The following ZNF334 variants were observed in gnomAD, a reference collection of about 807,000 sequenced individuals.
The protein encoded by ZNF334 is zinc finger protein 334.
Under a neutral mutation model 12.4 loss-of-function variants are expected in ZNF334, and 14 were observed. The ratio of observed to expected loss-of-function variants is 1.13; its 90% confidence interval spans 0.74 to 1.76. The LOEUF is 1.76. ZNF334 is among the 40% of genes most tolerant of loss of function. The probability of loss-of-function intolerance (pLI) is 0.00; values close to 1 mark genes in which losing one functional copy is unlikely to be tolerated. For synonymous variants in ZNF334, 273 were observed against 269.6 expected, an observed-to-expected ratio of 1.01 and a Z score of -0.12; for missense variants, 797 against 804.5, an observed-to-expected ratio of 0.99 and a Z score of 0.11.
the ZNF334 span, among the ~76,000 whole-genome samples, chr20:46,470,041 ATAG>A: frequency 1.3e-5 from 2 of 152,204 alleles, no homozygotes; most frequent in Non-Finnish European, 2.9e-5. Flanking sequence ...TGTATTTAAA[ATAG>A]TAGAGCTCCC....
the ZNF334 span, among the ~76,000 whole-genome samples, chr20:46,486,185 ATTT>A: frequency 6.6e-6 from 1 of 152,174 alleles, no homozygotes; most frequent in Non-Finnish European, 1.5e-5. Flanking sequence ...TTCCATCGTT[ATTT>A]TGTATAACCT....
chr20:46,507,416 G>A lies in ZNF334; in HGVS notation c.22-2676C>T, dbSNP rs552093402. Among the ~76,000 whole-genome samples the A allele has an allele frequency of 6.6e-5, 10 of 152,164 alleles. No homozygotes were observed. In the South Asian group the frequency reaches 1.9e-3, roughly 29 times the overall value. On this transcript the variant is annotated intron_variant, in intron 2 of 4. Transcript: ENST00000692313. ...ACCTGGGTTCCTAGGTTGGATCCTT[G>A]AACTGAAAAAGGATATTATGGAAAA...
intron 2 of ZNF334, among the ~76,000 whole-genome samples, chr20:46,507,856 A>T (rs1465616979): frequency 1.3e-5 from 2 of 152,246 alleles, no homozygotes; most frequent in Non-Finnish European, 2.9e-5. Context: ...ACTTCCTCTG[A>T]AGGACCTATA....
chr20:46,504,512 T>A lies in ZNF334; in HGVS notation c.148+102A>T. 6.4e-6 allele frequency: 9 copies of A among 1,401,016 alleles called. 1 individual carries two copies. In the South Asian group the frequency reaches 1.3e-4, roughly 20 times the overall value. 86.8% of individuals were successfully genotyped at this position (1,401,016 alleles called of 1,614,324 possible). ...GTCTAAAAGGGTTTAATCTTCTTGC[T>A]CCCCTGATGCTCAGGGCTAAATAAA... On this transcript the variant is annotated intron_variant, in intron 3 of 4. Coordinates refer to ENST00000692313, the MANE Select transcript of ZNF334 (RefSeq NM_001353824.2).
the ZNF334 span, among the ~76,000 whole-genome samples, chr20:46,471,071 C>T: frequency 6.6e-6 from 1 of 152,136 alleles, no homozygotes; most frequent in African/African-American, 2.4e-5. Flanking sequence ...CACTCTTCAC[C>T]AACAATGTGT....
Position 46,504,306 on chromosome 20 carries a change from CCT to C in ZNF334, c.149-2_149-1del. On this transcript the variant is annotated splice_acceptor_variant, in intron 3 of 4. Transcript: ENST00000692313. LOFTEE classifies it high-confidence loss of function. ...CACATCTGGTTTGCTAACATGATAC[CCT>C]GTTAATGGGAAATTACAGAACTTGG... is the stretch of plus-strand genomic sequence containing the variant. The C allele has an allele frequency of 6.2e-7, 1 of 1,612,696 alleles. No individual in the cohort carries two copies. Among genetic ancestry groups the C allele is most frequent in the Non-Finnish European group, 8.5e-7 (1 of 1,179,080 alleles).
At chr20:46,494,808 C>A (rs560634657), downstream of ZNF334, among the ~76,000 whole-genome samples, 324 of 152,298 alleles carry the variant, frequency 2.1e-3, 1 homozygote, top group South Asian at 0.017. Context: ...ACAACTTGTT[C>A]TGAAAAGCCT....
chr20:46,464,456 T>C, the ZNF334 span: 1 of 519,708 alleles, frequency 1.9e-6, no homozygotes, highest in Non-Finnish European at 3.9e-6. Flanking sequence ...GCTGGCTTTC[T>C]CACAGACCAC....
chr20:46,495,217 T>A (rs1378242072), downstream of ZNF334, among the ~76,000 whole-genome samples: 1 of 152,068 alleles, frequency 6.6e-6, no homozygotes, highest in Non-Finnish European at 1.5e-5. Flanking sequence ...TGAGGAGATA[T>A]AAATCTAACA....
At chr20:46,490,070 G>T in the ZNF334 span, among the ~76,000 whole-genome samples, 1 of 152,138 alleles carries the variant, frequency 6.6e-6, no homozygotes, top group Non-Finnish European at 1.5e-5. Flanking sequence ...TTATATAAAG[G>T]TAAGTTTGAT....
chr20:46,503,055 T>C lies in ZNF334; in HGVS notation c.284A>G (p.Lys95Arg). The change falls in exon 5 of 5, where the codon AAA becomes AGA. Residue 95 changes from lysine to arginine, a missense_variant. By Grantham distance (26) the Lys-to-Arg change is conservative. Coordinates refer to ENST00000692313, the MANE Select transcript of ZNF334 (RefSeq NM_001353824.2). ...GAAGAATACAGTTTGTGTCAAATGTTTATCTTGGATTTCCTTGTTCTTCTC... is the reference window on the plus strand; with the variant it reads ...GAAGAATACAGTTTGTGTCAAATGTCTATCTTGGATTTCCTTGTTCTTCTC... The part of the protein sequence containing the change: ...ALEKNKEIQD[K>R]HLTQTVFFSN... 1 of 1,609,570 alleles carries C rather than the reference T, an allele frequency of 6.2e-7. No individual in the cohort carries two copies. Among genetic ancestry groups the C allele is most frequent in the Non-Finnish European group, 8.5e-7 (1 of 1,178,116 alleles).
intron 2 of ZNF334, among the ~76,000 whole-genome samples, chr20:46,507,190 A>G (rs529258800): frequency 2.0e-5 from 3 of 152,002 alleles, no homozygotes; most frequent in Non-Finnish European, 4.4e-5. Flanking sequence ...AAAAGAAAGG[A>G]GAAATGAAGG....
Position 46,500,501 on chromosome 20 carries a change from G to A in ZNF334, c.*795C>T, listed in dbSNP as rs1380493880. ...AAACCACTGGTAGATGGGGTTGAGT[G>A]GATATTACAGAATACTAAAACCAGA... On this transcript the variant is annotated 3_prime_UTR_variant, in exon 5 of 5. Transcript: ENST00000692313. The A allele has an allele frequency of 6.6e-6, 1 of 152,164 alleles. No individual in the cohort carries two copies. The highest frequency in any genetic ancestry group is 1.5e-5 in the Non-Finnish European group (1 of 68,016). 9.4% of individuals were successfully genotyped at this position (152,164 alleles called of 1,614,324 possible). A position where few individuals can be genotyped will look rare whatever the true frequency, so the allele number is the denominator to read the frequency against.
At chr20:46,477,964 A>G in the ZNF334 span, among the ~76,000 whole-genome samples, 1 of 152,220 alleles carries the variant, frequency 6.6e-6, no homozygotes, top group Non-Finnish European at 1.5e-5. Flanking sequence ...GTCATTTCAC[A>G]TCTTCATGTT....
downstream of ZNF334, among the ~76,000 whole-genome samples, chr20:46,495,466 A>G (rs1049559849): frequency 2.0e-5 from 3 of 152,030 alleles, no homozygotes; most frequent in Admixed American, 6.6e-5. Flanking sequence ...ATCTCTGAAG[A>G]TAACTTCCAT....
At chr20:46,490,256 T>C in the ZNF334 span, among the ~76,000 whole-genome samples, 1 of 152,200 alleles carries the variant, frequency 6.6e-6, no homozygotes, top group South Asian at 2.1e-4. Flanking sequence ...TTAATGTTCT[T>C]AGCAACAACA....
In ZNF334 at chr20:46,500,855, A is replaced by G. The variant is rs973603966; in HGVS notation, c.*441T>C. Reference sequence around the variant, plus strand: ...CTATGGAGTTAGCAGACAACAAAAAATCTGCCAAATCTGAAAATACACCAT... The same window carrying G: ...CTATGGAGTTAGCAGACAACAAAAAGTCTGCCAAATCTGAAAATACACCAT... On this transcript the variant is annotated 3_prime_UTR_variant, in exon 5 of 5. Coordinates refer to ENST00000692313, the MANE Select transcript of ZNF334 (RefSeq NM_001353824.2). The G allele has an allele frequency of 5.5e-6, 1 of 182,648 alleles. No homozygotes were observed. 11.3% of individuals were successfully genotyped at this position (182,648 alleles called of 1,614,324 possible).
chr20:46,494,180 T>TAGA, the ZNF334 span, among the ~76,000 whole-genome samples: 1 of 152,252 alleles, frequency 6.6e-6, no homozygotes, highest in Admixed American at 6.5e-5. Flanking sequence ...CATTTGAGCC[T>TAGA]TGTATAGAAG....
At chr20:46,481,750 A>G in the ZNF334 span, among the ~76,000 whole-genome samples, 1 of 152,192 alleles carries the variant, frequency 6.6e-6, no homozygotes, top group Non-Finnish European at 1.5e-5. Context: ...AACACATCAA[A>G]CTATGCTAAT....
Sources: gnomAD v4.1 joint callset for allele counts (sites outside exome capture counted in the v4.1 genomes callset) on GRCh38, gnomAD v4.1.1 for gene constraint, MANE v1.5 for transcripts, NCBI Gene and HGNC (gene_info 2026-07-23, HGNC 2026-07-21) for gene names.